KCNIP4: variants seen among roughly 807,000 people sequenced by gnomAD.
The protein encoded by KCNIP4 is potassium voltage-gated channel interacting protein 4.
In KCNIP4, 12 loss-of-function variants were observed where a neutral mutation model predicts 34.0. That is an observed-to-expected ratio of 0.35 (90% confidence interval 0.23 to 0.57). The LOEUF is 0.57. Among genes scored for constraint, KCNIP4 ranks in the 20% least tolerant of loss-of-function variants. The probability of loss-of-function intolerance (pLI) is 0.83; values close to 1 mark genes in which losing one functional copy is unlikely to be tolerated. For synonymous variants in KCNIP4, 124 were observed against 102.2 expected, an observed-to-expected ratio of 1.21 and a Z score of -1.29; for missense variants, 238 against 311.7, an observed-to-expected ratio of 0.76 and a Z score of 1.78.
intron 1 of KCNIP4, among the ~76,000 whole-genome samples, chr4:21,357,732 T>G (rs1718785867): frequency 6.6e-6 from 1 of 152,192 alleles, no homozygotes; most frequent in Admixed American, 6.5e-5. Flanking sequence ...GAGTTTAAAT[T>G]AGTTCAACCA....
At chr4:21,725,111 C>G (rs776523221) in intron 1 of KCNIP4, among the ~76,000 whole-genome samples, 8 of 152,256 alleles carry the variant, frequency 5.3e-5, no homozygotes, top group Non-Finnish European at 1.2e-4. Context: ...ACACCTCTGC[C>G]TTCACAAACC....
At chr4:21,829,592 A>T (rs1267574323) in intron 1 of KCNIP4, among the ~76,000 whole-genome samples, 8 of 152,078 alleles carry the variant, frequency 5.3e-5, no homozygotes, top group Non-Finnish European at 1.0e-4. Context: ...AATATAGAAA[A>T]AAATTCAAAT....
At chr4:21,494,579 C>T (rs1056494123) in intron 1 of KCNIP4, among the ~76,000 whole-genome samples, 5 of 151,920 alleles carry the variant, frequency 3.3e-5, no homozygotes, top group Admixed American at 2.6e-4. Flanking sequence ...TCGAGACCAG[C>T]TTGGCCAACA....
At position 21,629,938 on chromosome 4, in the gene KCNIP4, C is replaced by T. The variant is rs561606795; in HGVS notation, c.61+318633G>A. Among the ~76,000 whole-genome samples, 7 of 139,620 alleles carry T rather than the reference C, an allele frequency of 5.0e-5. No individual in the cohort carries two copies. The East Asian group carries it at 1.6e-3, about 31-fold the overall frequency. 91.6% of individuals were successfully genotyped at this position (139,620 alleles called of 152,430 possible). A position where few individuals can be genotyped will look rare whatever the true frequency, so the allele number is the denominator to read the frequency against. The stretch of plus-strand genomic sequence containing the variant: ...CAATCATGGCTCACTGTAGGCTTAA[C>T]CTCCTGGTCTCAAATGATCCTCCCA... On this transcript the variant is annotated intron_variant, in intron 1 of 8. Coordinates refer to ENST00000382152, the MANE Select transcript of KCNIP4 (RefSeq NM_025221.6).
At chr4:21,257,655 C>G (rs1011866970) in intron 1 of KCNIP4, among the ~76,000 whole-genome samples, 4 of 151,014 alleles carry the variant, frequency 2.6e-5, no homozygotes. Flanking sequence ...GAGGCTGAGA[C>G]AGAAGAATTG....
intron 1 of KCNIP4, among the ~76,000 whole-genome samples, chr4:21,192,755 A>T (rs1001130537): frequency 6.6e-6 from 1 of 152,012 alleles, no homozygotes; most frequent in Non-Finnish European, 1.5e-5. Flanking sequence ...AAAATTCTTT[A>T]TTTAAAAAGA....
intron 1 of KCNIP4, among the ~76,000 whole-genome samples, chr4:21,496,347 T>C (rs989122003): frequency 1.3e-5 from 2 of 152,172 alleles, no homozygotes; most frequent in Non-Finnish European, 2.9e-5. Context: ...AACAGCTTCC[T>C]GTCCTTATTG....
intron 1 of KCNIP4, among the ~76,000 whole-genome samples, chr4:21,110,144 A>G (rs941229026): frequency 1.3e-5 from 2 of 152,150 alleles, no homozygotes; most frequent in African/African-American, 4.8e-5. Flanking sequence ...GCAGTTTATA[A>G]GTTGTTGCAC....
chr4:21,234,277 T>TATATATAACATATATAAC (rs1264005912), intron 1 of KCNIP4, among the ~76,000 whole-genome samples: 4 of 76,658 alleles, frequency 5.2e-5, no homozygotes, highest in Non-Finnish European at 7.7e-5. Context: ...TAACATATAT[T>TATATATAACATATATAAC]ATATATAACA....
chr4:21,464,800 G>A (rs1330630572), intron 1 of KCNIP4: 1 of 152,052 alleles, frequency 6.6e-6, no homozygotes, highest in African/African-American at 2.4e-5. Context: ...TACCAAAGCA[G>A]CAGAAATACT....
In KCNIP4 at chr4:21,404,954, C is replaced by A. The variant is rs915956691; in HGVS notation, c.62-522245G>T. On this transcript the variant is annotated intron_variant, in intron 1 of 8. Coordinates refer to ENST00000382152, the MANE Select transcript of KCNIP4 (RefSeq NM_025221.6). ...TCAGGCTTTTGAATCTTCTCCTAGGCCTATCTGTGCACTTCCTTGTAAAAA... is the reference window on the plus strand; with the variant it reads ...TCAGGCTTTTGAATCTTCTCCTAGGACTATCTGTGCACTTCCTTGTAAAAA... Among the ~76,000 whole-genome samples the A allele has an allele frequency of 3.9e-4, 60 of 152,244 alleles. 1 individual carries two copies. The highest frequency in any genetic ancestry group is 3.4e-3 in the Middle Eastern group (1 of 294).
At chr4:20,777,281 A>G (rs1256915657) in intron 3 of KCNIP4, among the ~76,000 whole-genome samples, 2 of 152,132 alleles carry the variant, frequency 1.3e-5, no homozygotes, top group South Asian at 2.1e-4. Flanking sequence ...GTGAGAACTC[A>G]CTCACTATCA....
At chr4:21,021,338 T>C (rs900130293) in intron 1 of KCNIP4, among the ~76,000 whole-genome samples, 4 of 152,206 alleles carry the variant, frequency 2.6e-5, no homozygotes, top group African/African-American at 9.6e-5. Flanking sequence ...TTTATAAACA[T>C]TGAAGACTTT....
chr4:21,439,716 G>C (rs764136013), intron 1 of KCNIP4, among the ~76,000 whole-genome samples: 26 of 151,398 alleles, frequency 1.7e-4, no homozygotes, highest in Non-Finnish European at 3.4e-4. Flanking sequence ...CTGGAATCGA[G>C]ACAGCCATTT....
chr4:21,338,414 A>T (rs138194454), intron 1 of KCNIP4, among the ~76,000 whole-genome samples: 1 of 151,808 alleles, frequency 6.6e-6, no homozygotes, highest in African/African-American at 2.4e-5. Context: ...TGCATAGTGC[A>T]TTGCTATCCT....
At chr4:20,998,570 A>G (rs1211514158) in intron 1 of KCNIP4, among the ~76,000 whole-genome samples, 1 of 152,232 alleles carries the variant, frequency 6.6e-6, no homozygotes, top group African/African-American at 2.4e-5. Flanking sequence ...AGATAAGAGA[A>G]AGTAGATCTG....
chr4:21,936,154 T>C (rs1456283435), intron 1 of KCNIP4, among the ~76,000 whole-genome samples: 1 of 151,790 alleles, frequency 6.6e-6, no homozygotes, highest in Non-Finnish European at 1.5e-5. Context: ...GATGATATGG[T>C]TTGGCTGTGT....
intron 1 of KCNIP4, among the ~76,000 whole-genome samples, chr4:21,475,358 A>G (rs911349435): frequency 9.2e-5 from 14 of 152,148 alleles, no homozygotes; most frequent in African/African-American, 3.1e-4. Flanking sequence ...GATGTGACAG[A>G]AGTGAAAGCG....
At chr4:21,517,812 T>C (rs1434145340) in intron 1 of KCNIP4, among the ~76,000 whole-genome samples, 1 of 152,174 alleles carries the variant, frequency 6.6e-6, no homozygotes, top group Non-Finnish European at 1.5e-5. Context: ...CCACCACTAG[T>C]GCACCTGTGC....
Sources: allele counts gnomAD v4.1 joint callset (sites outside exome capture counted in the v4.1 genomes callset), GRCh38; gene constraint gnomAD v4.1.1; transcripts MANE v1.5; gene names NCBI Gene and HGNC (gene_info 2026-07-23, HGNC 2026-07-21).